Variants in NEGR1 observed in about 807,000 individuals in gnomAD.
NEGR1 encodes the protein neuronal growth regulator 1.
NEGR1 carries 10 observed loss-of-function variants against 40.9 expected under a neutral mutation model. The observed-to-expected ratio is 0.24, with a 90% CI of 0.15 to 0.42. NEGR1 has a LOEUF of 0.42. Ranked by LOEUF, NEGR1 falls within the 10% of genes least tolerant of loss-of-function variation. The pLI is 1.00. For missense variants in NEGR1, 352 were observed against 438.9 expected, an observed-to-expected ratio of 0.80 and a Z score of 1.77; for synonymous variants, 185 against 166.8, an observed-to-expected ratio of 1.11 and a Z score of -0.84.
intron 1 of NEGR1, among the ~76,000 whole-genome samples, chr1:72,132,763 A>G (rs1249749109): frequency 6.6e-6 from 1 of 152,176 alleles, no homozygotes; most frequent in East Asian, 1.9e-4. Flanking sequence ...ATGTAAAATT[A>G]AAATAGGATT....
intron 1 of NEGR1, among the ~76,000 whole-genome samples, chr1:72,164,999 C>T (rs1359587150): frequency 6.6e-6 from 1 of 151,626 alleles, no homozygotes; most frequent in African/African-American, 2.4e-5. Context: ...TTTTTCATGA[C>T]CATTTCCTTT....
At position 71,597,411 on chromosome 1, in the gene NEGR1, T is replaced by TA. The variant is rs1301503596; in HGVS notation, c.789-4444_789-4443insT. Among the ~76,000 whole-genome samples, 18 of 32,084 alleles carry TA rather than the reference T, an allele frequency of 5.6e-4. No individual in the cohort carries two copies. The East Asian group carries it at 7.9e-3, about 14-fold the overall frequency. 21.0% of individuals were successfully genotyped at this position (32,084 alleles called of 152,430 possible). A position where few individuals can be genotyped will look rare whatever the true frequency, so the allele number is the denominator to read the frequency against. On this transcript the variant is annotated intron_variant, in intron 5 of 6. Coordinates refer to ENST00000357731, the MANE Select transcript of NEGR1 (RefSeq NM_173808.3). ...TGCCTTTCTCAAGGATGGAGTTTTA[T>TA]TTATATATATATATATATATGTCTC... is the stretch of plus-strand genomic sequence containing the variant.
chr1:71,748,786 A>ATTT (rs1655470888), intron 3 of NEGR1, among the ~76,000 whole-genome samples: 4 of 152,164 alleles, frequency 2.6e-5, no homozygotes, highest in African/African-American at 9.6e-5. Flanking sequence ...GGCATGAAAA[A>ATTT]ATGGACAGTG....
intron 1 of NEGR1, among the ~76,000 whole-genome samples, chr1:72,073,800 T>C (rs74674115): frequency 2.7e-5 from 4 of 149,206 alleles, no homozygotes; most frequent in Non-Finnish European, 5.9e-5. Context: ...TCATTTTTTT[T>C]CCAAAAAAAA....
At chr1:72,066,921 G>A (rs1647289624) in intron 1 of NEGR1, among the ~76,000 whole-genome samples, 1 of 152,118 alleles carries the variant, frequency 6.6e-6, no homozygotes, top group Non-Finnish European at 1.5e-5. Context: ...GAATGCTAAT[G>A]AAATATTTCC....
intron 2 of NEGR1, among the ~76,000 whole-genome samples, chr1:71,883,407 A>C (rs978962391): frequency 6.6e-6 from 1 of 152,140 alleles, no homozygotes; most frequent in African/African-American, 2.4e-5. Context: ...TTGTTAAATA[A>C]ATAGAAAAAT....
At chr1:72,179,015 G>A (rs1652270791) in intron 1 of NEGR1, among the ~76,000 whole-genome samples, 1 of 151,710 alleles carries the variant, frequency 6.6e-6, no homozygotes, top group South Asian at 2.1e-4. Flanking sequence ...TTTCTCTGTT[G>A]ACACTTCCCA....
intron 1 of NEGR1, among the ~76,000 whole-genome samples, chr1:72,071,327 T>C (rs1647453076): frequency 6.6e-6 from 1 of 152,152 alleles, no homozygotes; most frequent in South Asian, 2.1e-4. Flanking sequence ...ATGTATATTC[T>C]ACTAATTCTA....
intron 2 of NEGR1, among the ~76,000 whole-genome samples, chr1:71,834,452 C>T (rs1414216313): frequency 6.6e-6 from 1 of 151,536 alleles, no homozygotes; most frequent in African/African-American, 2.4e-5. Flanking sequence ...CACCACCCAC[C>T]CCCACCCCCT....
At chr1:71,841,203 G>C (rs1221572455) in intron 2 of NEGR1, among the ~76,000 whole-genome samples, 1 of 151,984 alleles carries the variant, frequency 6.6e-6, no homozygotes, top group African/African-American at 2.4e-5. Context: ...ATGAGAAGAG[G>C]ATAATATAAA....
intron 1 of NEGR1, among the ~76,000 whole-genome samples, chr1:72,254,529 C>T (rs1324923726): frequency 1.3e-5 from 2 of 151,802 alleles, no homozygotes; most frequent in Admixed American, 1.3e-4. Flanking sequence ...GATGAAACCC[C>T]ATCTCTACTA....
chr1:71,584,344 T>A (rs1399421900), intron 6 of NEGR1, among the ~76,000 whole-genome samples: 5 of 152,182 alleles, frequency 3.3e-5, no homozygotes, highest in Non-Finnish European at 5.9e-5. Context: ...CTCCTCTTTT[T>A]ACCTTTATCT....
At chr1:71,919,187 T>G (rs928363818) in intron 2 of NEGR1, among the ~76,000 whole-genome samples, 1 of 152,166 alleles carries the variant, frequency 6.6e-6, no homozygotes, top group Admixed American at 6.5e-5. Flanking sequence ...CTTTCTCAAG[T>G]GTTTACATCA....
intron 4 of NEGR1, among the ~76,000 whole-genome samples, chr1:71,647,482 C>T (rs747451702): frequency 6.6e-6 from 1 of 151,734 alleles, no homozygotes; most frequent in Non-Finnish European, 1.5e-5. Context: ...AGTCATTTGA[C>T]CACAAGAAAC....
At chr1:72,119,722 G>A (rs1420054280) in intron 1 of NEGR1, among the ~76,000 whole-genome samples, 2 of 151,876 alleles carry the variant, frequency 1.3e-5, no homozygotes, top group Non-Finnish European at 2.9e-5. Flanking sequence ...GTTGTTCTTG[G>A]CATGTAGTGG....
chr1:72,135,383 A>C lies in NEGR1; in HGVS notation c.176+146936T>G, dbSNP rs1485762197. On this transcript the variant is annotated intron_variant, in intron 1 of 6. Coordinates refer to ENST00000357731, the MANE Select transcript of NEGR1 (RefSeq NM_173808.3). Reference sequence around the variant, plus strand: ...AGAGCGAGACTCCGTCTCAAAAAAAAAAAAAACAAAAAACAAAAAACAAAA... The same window carrying C: ...AGAGCGAGACTCCGTCTCAAAAAAACAAAAAACAAAAAACAAAAAACAAAA... Among the ~76,000 whole-genome samples, 957 of 142,818 alleles carry C rather than the reference A, an allele frequency of 6.7e-3. 4 individuals are homozygous for C. The highest frequency in any genetic ancestry group is 0.011 in the Non-Finnish European group (708 of 66,432). 93.7% of individuals were successfully genotyped at this position (142,818 alleles called of 152,430 possible). A position where few individuals can be genotyped will look rare whatever the true frequency, so the allele number is the denominator to read the frequency against.
chr1:71,999,452 T>C (rs891869879), intron 1 of NEGR1, among the ~76,000 whole-genome samples: 10 of 151,038 alleles, frequency 6.6e-5, no homozygotes, highest in South Asian at 2.1e-4. Flanking sequence ...AAGTTAAATA[T>C]ATCAGAATAA....
intron 6 of NEGR1, among the ~76,000 whole-genome samples, chr1:71,455,454 C>G (rs1448425889): frequency 6.6e-6 from 1 of 152,188 alleles, no homozygotes; most frequent in Non-Finnish European, 1.5e-5. Context: ...TGGCCAGGCA[C>G]AGTGGCTCAC....
rs1239825502 is a variant in NEGR1, at chr1:72,010,068, C to CA, written c.177-74758_177-74757insT. Among the ~76,000 whole-genome samples the CA allele has an allele frequency of 9.2e-5, 14 of 152,224 alleles. No individual in the cohort carries two copies. The South Asian group carries it at 2.9e-3, about 32-fold the overall frequency. ...GATTTAAAAATAATTTGACTGAAAACTAAGTCCCCTCTGCCACTGTCCAGC... is the reference window on the plus strand; with the variant it reads ...GATTTAAAAATAATTTGACTGAAAACATAAGTCCCCTCTGCCACTGTCCAGC... On this transcript the variant is annotated intron_variant, in intron 1 of 6. Transcript: ENST00000357731.
Sources: allele counts gnomAD v4.1 joint callset (sites outside exome capture counted in the v4.1 genomes callset), GRCh38; gene constraint gnomAD v4.1.1; transcripts MANE v1.5; gene names NCBI Gene and HGNC (gene_info 2026-07-23, HGNC 2026-07-21).